The following NEK7 variants were observed in gnomAD, a reference collection of about 807,000 sequenced individuals.
The protein encoded by NEK7 is NIMA related kinase 7, also known as serine/threonine-protein kinase Nek7.
NEK7 carries 18 observed loss-of-function variants against 44.6 expected under a neutral mutation model. The ratio of observed to expected loss-of-function variants is 0.40; its 90% CI spans 0.28 to 0.60. The LOEUF is 0.60. Ranked by LOEUF, NEK7 falls within the 20% of genes least tolerant of loss-of-function variation. The probability of loss-of-function intolerance (pLI) is 0.38; values close to 1 mark genes in which losing one functional copy is unlikely to be tolerated. For synonymous variants in NEK7, 130 were observed against 121.1 expected (o/e 1.07, Z -0.48); for missense variants, 256 against 366.5 (o/e 0.70, Z 2.46).
chr1:198,164,905 C>T (rs559567115), intron 1 of NEK7, among the ~76,000 whole-genome samples: 39 of 152,312 alleles, frequency 2.6e-4, no homozygotes, highest in African/African-American at 9.1e-4. Context: ...GGAGTCAATC[C>T]TCTCAAACCC....
chr1:198,189,048 A>G (rs1456923043), intron 1 of NEK7, among the ~76,000 whole-genome samples: 1 of 152,244 alleles, frequency 6.6e-6, no homozygotes, highest in Non-Finnish European at 1.5e-5. Flanking sequence ...GAATATTTCA[A>G]TAAAATTGTT....
chr1:198,308,424 A>C (rs1044802770), intron 9 of NEK7, among the ~76,000 whole-genome samples: 5 of 152,170 alleles, frequency 3.3e-5, no homozygotes, highest in African/African-American at 1.2e-4. Flanking sequence ...TGACTTCAAA[A>C]ACTCAAAGTA....
At position 198,284,452 on chromosome 1, in the gene NEK7, G is replaced by C. The variant is rs536129371; in HGVS notation, c.589+5391G>C. Among the ~76,000 whole-genome samples the C allele has an allele frequency of 2.6e-5, 4 of 152,256 alleles. No homozygotes were observed. The South Asian group carries it at 8.3e-4, about 32-fold the overall frequency. On this transcript the variant is annotated intron_variant, in intron 7 of 9. Transcript: ENST00000367385. ...TGCTCCAAGATTCAGAAGTAAACAG[G>C]AAATAGGCCGCTAGGATATCAAAAT...
At position 198,305,255 on chromosome 1, in the gene NEK7, AAT is replaced by A. The variant is rs1335679191; in HGVS notation, c.798+8016_798+8017del. ...CAAGTGATTGATTAATACTATTAGAAATTGAAACCTGACATGAAGGAATAGAT... is the reference window on the plus strand; with the variant it reads ...CAAGTGATTGATTAATACTATTAGAATGAAACCTGACATGAAGGAATAGAT... On this transcript the variant is annotated intron_variant, in intron 9 of 9. Transcript: ENST00000367385. Among the ~76,000 whole-genome samples, 41 of 152,150 alleles carry A rather than the reference AAT, an allele frequency of 2.7e-4. 1 individual carries two copies. Among genetic ancestry groups the A allele is most frequent in the Admixed American group, 2.7e-3 (41 of 15,276 alleles).
chr1:198,228,768 G>A (rs1256586572), intron 1 of NEK7, among the ~76,000 whole-genome samples: 1 of 152,146 alleles, frequency 6.6e-6, no homozygotes, highest in African/African-American at 2.4e-5. Flanking sequence ...GAGATTTTGG[G>A]CTGAGACAAT....
intron 1 of NEK7, among the ~76,000 whole-genome samples, chr1:198,215,820 A>T (rs1665903252): frequency 1.3e-5 from 2 of 152,080 alleles, no homozygotes; most frequent in African/African-American, 4.8e-5. Flanking sequence ...AAAAAACATC[A>T]TTATAGGATG....
chr1:198,246,459 G>A (rs1185609768), intron 2 of NEK7, among the ~76,000 whole-genome samples: 1 of 152,240 alleles, frequency 6.6e-6, no homozygotes, highest in Admixed American at 6.5e-5. Flanking sequence ...CTAATGAAGT[G>A]TCTAATGCTC....
At chr1:198,263,879 A>G (rs758476378) in intron 4 of NEK7, among the ~76,000 whole-genome samples, 1 of 151,996 alleles carries the variant, frequency 6.6e-6, no homozygotes, top group Non-Finnish European at 1.5e-5. Flanking sequence ...GTACTTTTAA[A>G]TTAAGATTTA....
chr1:198,229,261 G>A (rs1666316622), intron 1 of NEK7, among the ~76,000 whole-genome samples: 1 of 152,202 alleles, frequency 6.6e-6, no homozygotes, highest in Admixed American at 6.5e-5. Flanking sequence ...CTGGAGTGTG[G>A]TGTTTCTGGG....
At chr1:198,294,079 T>C (rs1654639633) in intron 8 of NEK7, among the ~76,000 whole-genome samples, 1 of 151,978 alleles carries the variant, frequency 6.6e-6, no homozygotes, top group African/African-American at 2.4e-5. Flanking sequence ...TCATGATCTT[T>C]TATTATTTTA....
Position 198,197,802 on chromosome 1 carries a change from A to T in NEK7, c.-28-34751A>T. On this transcript the variant is annotated intron_variant, in intron 1 of 9. Transcript: ENST00000367385. ...ATTCAGTCAGAGTCACTGATGGAAG[A>T]GGAGGAGGAATGCTTGCCATGCTCG... is the stretch of plus-strand genomic sequence containing the variant. The T allele has an allele frequency of 8.1e-6, 6 of 741,656 alleles. No homozygotes were observed. The South Asian group carries it at 8.3e-5, about 10-fold the overall frequency. The allele number at this position is 741,656 out of a possible 1,614,324, so 45.9% of individuals were successfully genotyped here. A position where few individuals can be genotyped will look rare whatever the true frequency, so the allele number is the denominator to read the frequency against.
At chr1:198,204,938 C>A (rs547412186) in intron 1 of NEK7, among the ~76,000 whole-genome samples, 1 of 152,056 alleles carries the variant, frequency 6.6e-6, no homozygotes, top group African/African-American at 2.4e-5. Flanking sequence ...TCCCAATTTT[C>A]CTTCTTCTTT....
intron 1 of NEK7, among the ~76,000 whole-genome samples, chr1:198,221,608 A>G (rs1666080195): frequency 1.3e-5 from 2 of 151,774 alleles, no homozygotes; most frequent in African/African-American, 4.8e-5. Flanking sequence ...TTTGAAATGT[A>G]TATTGGTTTA....
intron 1 of NEK7, among the ~76,000 whole-genome samples, chr1:198,219,267 A>G (rs1306107703): frequency 2.0e-5 from 3 of 149,682 alleles, no homozygotes; most frequent in Admixed American, 1.3e-4. Context: ...AAATGTTTAT[A>G]ATTTTCTATT....
At chr1:198,266,127 G>A (rs1571588361) in intron 5 of NEK7, among the ~76,000 whole-genome samples, 1 of 151,806 alleles carries the variant, frequency 6.6e-6, no homozygotes, top group Non-Finnish European at 1.5e-5. Context: ...GACACATCAC[G>A]ATTTATTTTA....
At chr1:198,242,114 G>GT (rs1313790568) in intron 2 of NEK7, among the ~76,000 whole-genome samples, 1 of 151,944 alleles carries the variant, frequency 6.6e-6, no homozygotes, top group Non-Finnish European at 1.5e-5. Flanking sequence ...TAATTGGCAA[G>GT]TTTTTGACTC....
chr1:198,204,426 A>G (rs1665528165), intron 1 of NEK7, among the ~76,000 whole-genome samples: 2 of 152,124 alleles, frequency 1.3e-5, no homozygotes, highest in Admixed American at 1.3e-4. Context: ...TTATTTTAAA[A>G]ATGAAACTCA....
At chr1:198,301,378 G>A (rs916159833) in intron 9 of NEK7, among the ~76,000 whole-genome samples, 8 of 152,038 alleles carry the variant, frequency 5.3e-5, no homozygotes, top group Non-Finnish European at 7.4e-5. Context: ...GTGAAACCCC[G>A]TCTCTACTAA....
intron 1 of NEK7, among the ~76,000 whole-genome samples, chr1:198,182,453 T>G (rs1006684788): frequency 1.5e-4 from 22 of 151,340 alleles, no homozygotes; most frequent in Non-Finnish European, 1.3e-4. Flanking sequence ...GAGAGAGAGA[T>G]AGAGCTTTCC....
Sources: gnomAD v4.1 joint callset for allele counts (sites outside exome capture counted in the v4.1 genomes callset) on GRCh38, gnomAD v4.1.1 for gene constraint, MANE v1.5 for transcripts, NCBI Gene and HGNC (gene_info 2026-07-23, HGNC 2026-07-21) for gene names.